Variants in BRD10 observed in about 807,000 individuals in gnomAD.
BRD10 encodes the protein uncharacterized bromodomain-containing protein 10.
chr9:5,907,209 T>A, the BRD10 span: 1 of 326,698 alleles, frequency 3.1e-6, no homozygotes. Flanking sequence ...GAAGTACAGA[T>A]ATTTTCTTAA....
At chr9:5,904,868 G>T in the BRD10 span, among the ~76,000 whole-genome samples, 1 of 151,854 alleles carries the variant, frequency 6.6e-6, no homozygotes, top group African/African-American at 2.4e-5. Flanking sequence ...CTGCCTCCTG[G>T]GTTCATGCCA....
At chr9:6,001,028 T>A in the BRD10 span, among the ~76,000 whole-genome samples, 1 of 152,208 alleles carries the variant, frequency 6.6e-6, no homozygotes, top group Non-Finnish European at 1.5e-5. Context: ...TATCTTCAAA[T>A]GAATGCCTCC....
chr9:5,884,998 C>G, the BRD10 span, among the ~76,000 whole-genome samples: 22 of 152,150 alleles, frequency 1.4e-4, no homozygotes, highest in Non-Finnish European at 3.1e-4. Context: ...AAGGCCAGCC[C>G]GAGGCCAGCA....
chr9:5,972,741 G>C, the BRD10 span, among the ~76,000 whole-genome samples: 1 of 152,158 alleles, frequency 6.6e-6, no homozygotes, highest in African/African-American at 2.4e-5. Context: ...ACAACCTACA[G>C]AACCATGAGC....
chr9:5,888,451 G>C, the BRD10 span, among the ~76,000 whole-genome samples: 8 of 152,308 alleles, frequency 5.3e-5, no homozygotes, highest in African/African-American at 1.7e-4. Flanking sequence ...CTTGTTCTTT[G>C]TTGTATGTTT....
chr9:5,918,699 A>G, the BRD10 span, among the ~76,000 whole-genome samples: 1 of 143,360 alleles, frequency 7.0e-6, no homozygotes, highest in African/African-American at 2.6e-5. Context: ...ACAATTACTT[A>G]CACACCAACC....
chr9:5,988,737 C>G, the BRD10 span, among the ~76,000 whole-genome samples: 1 of 151,812 alleles, frequency 6.6e-6, no homozygotes, highest in Admixed American at 6.6e-5. Context: ...ATCAGAGTGA[C>G]AGTCTCTTCC....
At chr9:5,978,501 CATA>C in the BRD10 span, among the ~76,000 whole-genome samples, 1 of 151,488 alleles carries the variant, frequency 6.6e-6, no homozygotes, top group Admixed American at 6.6e-5. Flanking sequence ...ATGAATAACA[CATA>C]ATATTATATT....
the BRD10 span, chr9:5,968,082 G>A: frequency 7.7e-6 from 12 of 1,561,590 alleles, no homozygotes; most frequent in African/African-American, 1.4e-4. Context: ...TGGATCTCAG[G>A]TTTGTAAGAC....
chr9:5,909,946 G>C, the BRD10 span: 1 of 152,028 alleles, frequency 6.6e-6, no homozygotes, highest in Non-Finnish European at 1.5e-5. Flanking sequence ...ACTTTTTTTG[G>C]CTTTAATTCC....
At chr9:5,976,367 A>G in the BRD10 span, among the ~76,000 whole-genome samples, 2 of 152,254 alleles carry the variant, frequency 1.3e-5, no homozygotes, top group Non-Finnish European at 2.9e-5. Flanking sequence ...TGTTATTAAC[A>G]ACAGGCAAAG....
the BRD10 span, among the ~76,000 whole-genome samples, chr9:5,892,846 G>C: frequency 1.3e-5 from 2 of 152,172 alleles, no homozygotes; most frequent in African/African-American, 4.8e-5. Context: ...AAAAACATCT[G>C]TTCAGGATCA....
chr9:6,007,863 C>T, the BRD10 span: 1 of 1,374,906 alleles, frequency 7.3e-7, no homozygotes, highest in Non-Finnish European at 9.3e-7. Context: ...CGAGCCGCTT[C>T]CTCACGGCTC....
the BRD10 span, among the ~76,000 whole-genome samples, chr9:5,965,491 G>A: frequency 2.6e-5 from 4 of 152,070 alleles, no homozygotes; most frequent in African/African-American, 9.7e-5. Context: ...TTCAACTTAA[G>A]GTTTTCTAGT....
At chr9:5,897,681 C>T in the BRD10 span, 1 of 1,575,430 alleles carries the variant, frequency 6.3e-7, no homozygotes, top group Non-Finnish European at 8.7e-7. Flanking sequence ...TGCTGAAATC[C>T]CTCCAAGTCC....
chr9:5,995,111 G>A, the BRD10 span, among the ~76,000 whole-genome samples: 1 of 152,122 alleles, frequency 6.6e-6, no homozygotes, highest in Admixed American at 6.5e-5. Context: ...ATGTTGGTCA[G>A]GCTGGTCTCG....
chr9:5,903,298 C>T, the BRD10 span, among the ~76,000 whole-genome samples: 1 of 152,060 alleles, frequency 6.6e-6, no homozygotes, highest in Admixed American at 6.6e-5. Flanking sequence ...ATTCTGTTGT[C>T]GTTGGATGAA....
the BRD10 span, among the ~76,000 whole-genome samples, chr9:6,001,653 A>G: frequency 1.1e-4 from 17 of 152,328 alleles, no homozygotes; most frequent in East Asian, 3.3e-3. Context: ...TAGTTCAAAT[A>G]ATTGTTCAAT....
At chr9:5,996,719 A>G in the BRD10 span, among the ~76,000 whole-genome samples, 1 of 152,148 alleles carries the variant, frequency 6.6e-6, no homozygotes, top group African/African-American at 2.4e-5. Context: ...GCAAATGCAA[A>G]GTTTTTATTT....
Sources: gnomAD v4.1 joint callset for allele counts (sites outside exome capture counted in the v4.1 genomes callset) on GRCh38, gnomAD v4.1.1 for gene constraint, MANE v1.5 for transcripts, NCBI Gene and HGNC (gene_info 2026-07-23, HGNC 2026-07-21) for gene names.